NCAPG2: variants seen among roughly 807,000 people sequenced by gnomAD.
NCAPG2 encodes condensin-2 complex subunit G2.
NCAPG2 carries 53 observed loss-of-function variants against 141.1 expected under a neutral mutation model. The observed-to-expected ratio is 0.38, with a 90% confidence interval of 0.30 to 0.47. The LOEUF is 0.47. Ranked by LOEUF, NCAPG2 falls within the 20% of genes least tolerant of loss-of-function variation. The pLI is 0.99. For synonymous variants in NCAPG2, 499 were observed against 490.7 expected (o/e 1.02, Z -0.22); for missense variants, 1,087 against 1,389.0 (o/e 0.78, Z 3.46).
intron 27 of NCAPG2, among the ~76,000 whole-genome samples, chr7:158,634,504 G>A (rs1031424562): frequency 2.6e-5 from 4 of 152,152 alleles, no homozygotes; most frequent in African/African-American, 9.7e-5. Flanking sequence ...GTCAAACTAT[G>A]GTTGGTTGGA....
At chr7:158,640,869 A>G (rs1216828897) in intron 27 of NCAPG2, 1 of 152,220 alleles carries the variant, frequency 6.6e-6, no homozygotes, top group Non-Finnish European at 1.5e-5. Context: ...TAATAATAGC[A>G]ACAATATATT....
chr7:158,656,379 G>A lies in NCAPG2; in HGVS notation c.2269C>T (p.Pro757Ser), dbSNP rs747848765. 6.2e-7 allele frequency: 1 copy of A among 1,614,168 alleles called. No homozygotes were observed. The highest frequency in any genetic ancestry group is 8.5e-7 in the Non-Finnish European group (1 of 1,180,026). Residue 757 changes from proline to serine, a missense_variant, in exon 19 of 28, where the codon CCT becomes TCT. Transcript: ENST00000356309. ...VQIHDTRPVK[P>S]ELALVYIEYL... ...TCAATGTAGACCAATGCCAATTCAG[G>A]TTTGACTGGGCGTGTGTCATGGATC...
At chr7:158,636,238 A>G (rs941274981) in intron 27 of NCAPG2, among the ~76,000 whole-genome samples, 1 of 152,092 alleles carries the variant, frequency 6.6e-6, no homozygotes, top group Non-Finnish European at 1.5e-5. Flanking sequence ...TCTTCTCTCA[A>G]TGTAACTAAC....
At position 158,656,390 on chromosome 7, in the gene NCAPG2, C is replaced by A. The variant is rs1202185010; in HGVS notation, c.2258G>T (p.Arg753Leu). ...CAATGCCAATTCAGGTTTGACTGGG[C>A]GTGTGTCATGGATCTGCACCCTACC... ...SKGRVQIHDT[R>L]PVKPELALVY... The change falls in exon 19 of 28, where the codon CGC becomes CTC. Residue 753 changes from arginine to leucine, a missense_variant. Arg to Leu is a moderately radical substitution (Grantham distance 102). Coordinates refer to ENST00000356309, the MANE Select transcript of NCAPG2 (RefSeq NM_017760.7). The A allele has an allele frequency of 6.2e-7, 1 of 1,614,012 alleles. No homozygotes were observed. The highest frequency in any genetic ancestry group is 8.5e-7 in the Non-Finnish European group (1 of 1,180,042).
At position 158,698,449 on chromosome 7, in the gene NCAPG2, A is replaced by G. The variant is rs115357585; in HGVS notation, c.78+3373T>C. Among the ~76,000 whole-genome samples the G allele has an allele frequency of 2.7e-3, 418 of 152,246 alleles. 1 individual carries two copies. Among genetic ancestry groups the G allele is most frequent in the African/African-American group, 9.5e-3 (394 of 41,546 alleles). ...TTTTTATGTTTTATACTGTATTTTT[A>G]CTGTACCTTTTCAATGTTTAGACAC... On this transcript the variant is annotated intron_variant, in intron 2 of 27. Transcript: ENST00000356309.
At chr7:158,688,310 T>A (rs547502392) in intron 6 of NCAPG2, among the ~76,000 whole-genome samples, 1 of 152,358 alleles carries the variant, frequency 6.6e-6, no homozygotes, top group South Asian at 2.1e-4. Flanking sequence ...TTAGATATCT[T>A]AAATTCAAAG....
chr7:158,689,747 C>T, intron 6 of NCAPG2, 72 bp downstream of exon 6: 1 of 1,366,078 alleles, frequency 7.3e-7, no homozygotes, highest in Admixed American at 2.6e-5. Context: ...CAGACAGGAA[C>T]CATGTGAACA....
At chr7:158,673,031 G>T (rs6977635) in intron 12 of NCAPG2, among the ~76,000 whole-genome samples, 137,950 of 152,260 alleles carry the variant, frequency 0.91, 62,553 homozygotes, top group East Asian at 0.96. Flanking sequence ...AGCACCAGAC[G>T]GTGGTCAGAA....
At chr7:158,693,602 T>A in intron 2 of NCAPG2, 105 bp from the exon 3 acceptor site, 3 of 1,030,026 alleles carry the variant, frequency 2.9e-6, no homozygotes, top group Non-Finnish European at 4.1e-6. Context: ...CATTACAAGT[T>A]CAAGAGTTTG....
chr7:158,701,520 T>C (rs1008007529), intron 2 of NCAPG2, among the ~76,000 whole-genome samples: 3 of 152,216 alleles, frequency 2.0e-5, no homozygotes, highest in Non-Finnish European at 2.9e-5. Flanking sequence ...GCCTTCCTGC[T>C]GAACTTCAAG....
chr7:158,685,634 G>A (rs2129468287), intron 8 of NCAPG2, among the ~76,000 whole-genome samples: 1 of 152,308 alleles, frequency 6.6e-6, no homozygotes, highest in East Asian at 1.9e-4. Flanking sequence ...CACTATATGT[G>A]TAGGGACTGA....
chr7:158,699,131 C>G (rs1835634839), intron 2 of NCAPG2, among the ~76,000 whole-genome samples: 1 of 152,140 alleles, frequency 6.6e-6, no homozygotes, highest in South Asian at 2.1e-4. Context: ...TCTTCCTCTA[C>G]CACTAGAACA....
At chr7:158,692,506 C>T (rs1195900488) in intron 4 of NCAPG2, among the ~76,000 whole-genome samples, 2 of 152,198 alleles carry the variant, frequency 1.3e-5, no homozygotes, top group Non-Finnish European at 2.9e-5. Context: ...ACGTGGGAGG[C>T]TGAGACGGGT....
chr7:158,688,855 T>C (rs1031726540), intron 6 of NCAPG2, among the ~76,000 whole-genome samples: 6 of 152,216 alleles, frequency 3.9e-5, no homozygotes, highest in African/African-American at 1.4e-4. Context: ...TCTCTGCCGC[T>C]GAGCAGCTGT....
chr7:158,678,535 C>T (rs113501497), intron 11 of NCAPG2, among the ~76,000 whole-genome samples: 25 of 151,892 alleles, frequency 1.6e-4, no homozygotes, highest in African/African-American at 6.0e-4. Context: ...GTCAGGGTCT[C>T]GCTCTATCGC....
chr7:158,638,728 A>C (rs897490805), intron 27 of NCAPG2, among the ~76,000 whole-genome samples: 2 of 152,234 alleles, frequency 1.3e-5, no homozygotes, highest in Non-Finnish European at 2.9e-5. Flanking sequence ...ATAATGAGAA[A>C]TTTAACACAA....
At chr7:158,695,504 T>C (rs962190916) in intron 2 of NCAPG2, among the ~76,000 whole-genome samples, 2 of 152,164 alleles carry the variant, frequency 1.3e-5, no homozygotes, top group Non-Finnish European at 2.9e-5. Context: ...AGTAACAAAC[T>C]ATAGCAACAA....
intron 15 of NCAPG2, among the ~76,000 whole-genome samples, chr7:158,663,766 T>C (rs1224721201): frequency 1.3e-5 from 2 of 152,262 alleles, no homozygotes; most frequent in East Asian, 3.8e-4. Context: ...AGTAACAAGT[T>C]TGTCTAAGTC....
intron 27 of NCAPG2, among the ~76,000 whole-genome samples, chr7:158,636,861 G>C (rs1371398939): frequency 2.0e-5 from 3 of 152,242 alleles, no homozygotes; most frequent in South Asian, 2.1e-4. Flanking sequence ...TTCTGAAATG[G>C]ACAAGTGCTC....
Sources: allele counts gnomAD v4.1 joint callset (sites outside exome capture counted in the v4.1 genomes callset), GRCh38; gene constraint gnomAD v4.1.1; transcripts MANE v1.5; gene names NCBI Gene and HGNC (gene_info 2026-07-23, HGNC 2026-07-21).